Variants in TSPAN15 observed in about 807,000 individuals in gnomAD.
TSPAN15 encodes the protein tetraspanin 15.
Under a neutral mutation model 34.5 loss-of-function variants are expected in TSPAN15, and 20 were observed. The observed-to-expected ratio is 0.58, with a 90% confidence interval of 0.41 to 0.84. TSPAN15 has a LOEUF of 0.84. Among genes scored for constraint, TSPAN15 ranks in the 40% least tolerant of loss-of-function variants. TSPAN15 has a pLI of 0.00. For missense variants in TSPAN15, 313 were observed against 386.1 expected, an observed-to-expected ratio of 0.81 and a Z score of 1.59; for synonymous variants, 155 against 153.9, an observed-to-expected ratio of 1.01 and a Z score of -0.05.
In TSPAN15 at chr10:69,507,002, C is replaced by T. The variant is rs777405575; in HGVS notation, c.*24C>T. ...AGGGCCCAGCCTGCCATGGCAGCTC[C>T]AACAAGGACCGTCTGGGATAGCACC... On this transcript the variant is annotated 3_prime_UTR_variant, in exon 8 of 8. Coordinates refer to ENST00000373290, the MANE Select transcript of TSPAN15 (RefSeq NM_012339.5). The T allele has an allele frequency of 4.2e-5, 68 of 1,602,556 alleles. No homozygotes were observed. Among genetic ancestry groups the T allele is most frequent in the Non-Finnish European group, 5.4e-5 (64 of 1,175,782 alleles).
Position 69,506,404 on chromosome 10 carries a change from C to T in TSPAN15, c.735+164C>T, listed in dbSNP as rs1270057255. 7.7e-6 allele frequency: 5 copies of T among 647,556 alleles called. No individual in the cohort carries two copies. Among genetic ancestry groups the T allele is most frequent in the Non-Finnish European group, 1.1e-5 (4 of 372,332 alleles). 40.1% of individuals were successfully genotyped at this position (647,556 alleles called of 1,614,324 possible). On this transcript the variant is annotated intron_variant, in intron 7 of 7. Transcript: ENST00000373290. This position sits in a 1 kb window ranked among gnomAD's most constrained non-coding sequence, Gnocchi z 4.7. Reference sequence around the variant, plus strand: ...GGGCAAATGGCAATAGCAGTCGTGGCGAAGCTCTTCCAAGTGCTGCGCAGG... The same window carrying T: ...GGGCAAATGGCAATAGCAGTCGTGGTGAAGCTCTTCCAAGTGCTGCGCAGG...
At chr10:69,497,289 C>T (rs886165815) in intron 4 of TSPAN15, among the ~76,000 whole-genome samples, 1 of 152,164 alleles carries the variant, frequency 6.6e-6, no homozygotes, top group Non-Finnish European at 1.5e-5. Context: ...CCTGGTTGAG[C>T]CCTCCAGTCC....
At chr10:69,514,075 T>G in the TSPAN15 span, among the ~76,000 whole-genome samples, 1 of 152,250 alleles carries the variant, frequency 6.6e-6, no homozygotes, top group Non-Finnish European at 1.5e-5. Context: ...CTAAGTTCTC[T>G]TGTATTTCTA....
intron 1 of TSPAN15, 69 bp downstream of exon 1, chr10:69,451,759 C>T (rs1589615549): frequency 1.5e-6 from 2 of 1,294,900 alleles, no homozygotes; most frequent in South Asian, 1.8e-5. Context: ...CTCACTGGCC[C>T]GGGGTTGGGT....
At chr10:69,501,006 G>A (rs1341202866) in intron 5 of TSPAN15, among the ~76,000 whole-genome samples, 1 of 152,170 alleles carries the variant, frequency 6.6e-6, no homozygotes, top group Non-Finnish European at 1.5e-5. Context: ...AAGCCTACAG[G>A]ATTTGCTCGC....
chr10:69,466,944 G>C (rs549479318), intron 1 of TSPAN15, among the ~76,000 whole-genome samples: 1 of 152,178 alleles, frequency 6.6e-6, no homozygotes, highest in Non-Finnish European at 1.5e-5. Flanking sequence ...CTCGTAAGTG[G>C]CCCAGCGCCT....
At chr10:69,476,651 T>C (rs1841620542) in intron 1 of TSPAN15, among the ~76,000 whole-genome samples, 1 of 151,892 alleles carries the variant, frequency 6.6e-6, no homozygotes, top group South Asian at 2.1e-4. Context: ...TCTCTGTACT[T>C]GATGTCCAGT....
chr10:69,510,395 G>T (rs1842402593), downstream of TSPAN15, among the ~76,000 whole-genome samples: 2 of 152,190 alleles, frequency 1.3e-5, 1 homozygote, highest in South Asian at 4.1e-4. Context: ...TTGGTTTATA[G>T]GAATGCTTGT....
the TSPAN15 span, among the ~76,000 whole-genome samples, chr10:69,533,102 A>G: frequency 6.6e-6 from 1 of 152,192 alleles, no homozygotes; most frequent in Admixed American, 6.5e-5. Context: ...TACAACCGCT[A>G]TGGAAAACAG....
chr10:69,495,708 G>A lies in TSPAN15; in HGVS notation c.453+19G>A, dbSNP rs1233551514. 3.8e-6 allele frequency: 6 copies of A among 1,566,956 alleles called. No homozygotes were observed. The African/African-American group carries it at 4.1e-5, about 11-fold the overall frequency. On this transcript the variant is annotated intron_variant, in intron 4 of 7. Transcript: ENST00000373290. ...GAAAAAGGTGAGCCAGGCGCTTTGG[G>A]GTAGAGATGCGCCTCCCGTGCTCTT... is the stretch of plus-strand genomic sequence containing the variant.
At chr10:69,497,859 T>C (rs1323545847) in intron 4 of TSPAN15, among the ~76,000 whole-genome samples, 1 of 152,128 alleles carries the variant, frequency 6.6e-6, no homozygotes, top group East Asian at 1.9e-4. Flanking sequence ...GGGTGGCTCC[T>C]AGGGTGGGTG....
At chr10:69,540,737 G>T in the TSPAN15 span, among the ~76,000 whole-genome samples, 1 of 152,180 alleles carries the variant, frequency 6.6e-6, no homozygotes, top group African/African-American at 2.4e-5. Flanking sequence ...CTGAGATGGG[G>T]TCTGGGGATC....
intron 3 of TSPAN15, among the ~76,000 whole-genome samples, chr10:69,488,207 A>C (rs983141990): frequency 1.3e-5 from 2 of 152,178 alleles, no homozygotes; most frequent in Non-Finnish European, 2.9e-5. Context: ...ATATCACAAA[A>C]AGAAAAATAA....
At chr10:69,528,887 C>G in the TSPAN15 span, among the ~76,000 whole-genome samples, 1 of 147,836 alleles carries the variant, frequency 6.8e-6, no homozygotes, top group East Asian at 2.5e-4. Context: ...ATATGCTGAT[C>G]GGTCCATGGG....
intron 3 of TSPAN15, among the ~76,000 whole-genome samples, chr10:69,491,445 C>T (rs1841967134): frequency 6.6e-6 from 1 of 152,156 alleles, no homozygotes; most frequent in Admixed American, 6.5e-5. Flanking sequence ...CTCATTGCAG[C>T]CTCAGCTCCT....
chr10:69,451,649 TGGC>T lies in TSPAN15; in HGVS notation c.56_58del (p.Trp19_Leu20delinsPhe). The T allele has an allele frequency of 6.5e-7, 1 of 1,547,388 alleles. No homozygotes were observed. The highest frequency in any genetic ancestry group is 8.7e-7 in the Non-Finnish European group (1 of 1,145,362). ...CTACTGCGCGCGCTTCTCCTACCTC[TGGC>T]TCAAGTTTTCACTTATCATCTATTC... is the stretch of plus-strand genomic sequence containing the variant. On this transcript the variant is annotated inframe_deletion, in exon 1 of 8. Transcript: ENST00000373290.
the TSPAN15 span, among the ~76,000 whole-genome samples, chr10:69,533,987 G>A: frequency 6.6e-6 from 1 of 152,108 alleles, no homozygotes; most frequent in Non-Finnish European, 1.5e-5. Flanking sequence ...TGGGAGCAGA[G>A]GAAAAACAGT....
chr10:69,532,163 CT>C, the TSPAN15 span, among the ~76,000 whole-genome samples: 1 of 152,106 alleles, frequency 6.6e-6, no homozygotes. Context: ...CATCATCATT[CT>C]TCACAGTTAA....
At position 69,506,355 on chromosome 10, in the gene TSPAN15, G is replaced by A. The variant is rs1842327604; in HGVS notation, c.735+115G>A. 3.0e-6 allele frequency: 3 copies of A among 1,004,854 alleles called. No individual in the cohort carries two copies. Among genetic ancestry groups the A allele is most frequent in the African/African-American group, 1.6e-5 (1 of 62,746 alleles). The allele number at this position is 1,004,854 out of a possible 1,614,324, so 62.2% of individuals were successfully genotyped here. A position where few individuals can be genotyped will look rare whatever the true frequency, so the allele number is the denominator to read the frequency against. On this transcript the variant is annotated intron_variant, in intron 7 of 7. Transcript: ENST00000373290. The surrounding 1 kb of genome is among the most constrained non-coding windows in gnomAD (Gnocchi z 4.7). ...TCATAGAAGTCCAGGACTTGCCTGG[G>A]GAGGGCTGCATGGCTGGAAGGAGGG...
Sources: allele counts gnomAD v4.1 joint callset (sites outside exome capture counted in the v4.1 genomes callset), GRCh38; gene constraint gnomAD v4.1.1; non-coding constraint Gnocchi (gnomAD v3.1); transcripts MANE v1.5; gene names NCBI Gene and HGNC (gene_info 2026-07-23, HGNC 2026-07-21).